The following ZHX3 variants were observed in gnomAD, a reference collection of about 807,000 sequenced individuals.
ZHX3 encodes the protein zinc fingers and homeoboxes 3, also known as zinc fingers and homeoboxes protein 3.
In ZHX3, 20 loss-of-function variants were observed where a neutral mutation model predicts 64.5. That is an observed-to-expected ratio of 0.31 (90% confidence interval 0.22 to 0.45). The LOEUF is 0.45. Ranked by LOEUF, ZHX3 falls within the 20% of genes least tolerant of loss-of-function variation. ZHX3 has a pLI of 1.00. For missense variants in ZHX3, 1,041 were observed against 1,195.8 expected, an observed-to-expected ratio of 0.87 and a Z score of 1.91; for synonymous variants, 423 against 461.6, an observed-to-expected ratio of 0.92 and a Z score of 1.07.
intron 1 of ZHX3, among the ~76,000 whole-genome samples, chr20:41,298,814 G>C (rs185362439): frequency 6.6e-6 from 1 of 152,206 alleles, no homozygotes; most frequent in African/African-American, 2.4e-5. Flanking sequence ...CTTGGGAGAT[G>C]AAAGTGAAGA....
rs1021277675 is a variant in ZHX3, at chr20:41,184,579, T to C, written c.*612A>G. 2 of 295,406 alleles carry C rather than the reference T, an allele frequency of 6.8e-6. No homozygotes were observed. Among genetic ancestry groups the C allele is most frequent in the Admixed American group, 9.6e-5 (2 of 20,746 alleles). 18.3% of individuals were successfully genotyped at this position (295,406 alleles called of 1,614,324 possible). ...CCCACAAGGCAAAGCAAGCCTGACATGAAACGTAGCCGGTCATCACTTAAT... is the reference window on the plus strand; with the variant it reads ...CCCACAAGGCAAAGCAAGCCTGACACGAAACGTAGCCGGTCATCACTTAAT... On this transcript the variant is annotated 3_prime_UTR_variant, in exon 4 of 4. Transcript: ENST00000683867.
At chr20:41,286,143 T>A (rs1287622181) in intron 1 of ZHX3, among the ~76,000 whole-genome samples, 2 of 152,190 alleles carry the variant, frequency 1.3e-5, no homozygotes, top group Admixed American at 1.3e-4. Context: ...ATTAGCCACT[T>A]ATTATTGAAA....
intron 2 of ZHX3, among the ~76,000 whole-genome samples, chr20:41,255,782 T>C (rs1448212959): frequency 6.6e-6 from 1 of 152,164 alleles, no homozygotes; most frequent in Admixed American, 6.5e-5. Context: ...AGAATTTAAA[T>C]TCAGGAAGGG....
intron 2 of ZHX3, among the ~76,000 whole-genome samples, chr20:41,205,474 T>C (rs1474828013): frequency 6.7e-6 from 1 of 150,032 alleles, no homozygotes; most frequent in Non-Finnish European, 1.5e-5. Context: ...TTTCTTTTCA[T>C]AGCCTTCCCG....
rs906661657 is a variant in ZHX3, at chr20:41,317,611, A to AGGCGGC, written c.-353_-348dup. The stretch of plus-strand genomic sequence containing the variant: ...CGGGCGGCCGGCGCAGGCCCCGCAG[A>AGGCGGC]GGCGGCGGCGGCGGCGACGCCGGAG... On this transcript the variant is annotated 5_prime_UTR_variant, in exon 1 of 4. Coordinates refer to ENST00000683867, the MANE Select transcript of ZHX3 (RefSeq NM_001384317.1). 6 of 147,882 alleles carry AGGCGGC rather than the reference A, an allele frequency of 4.1e-5. No homozygotes were observed. The highest frequency in any genetic ancestry group is 2.0e-4 in the East Asian group (1 of 5,018). 9.2% of individuals were successfully genotyped at this position (147,882 alleles called of 1,614,324 possible). A position where few individuals can be genotyped will look rare whatever the true frequency, so the allele number is the denominator to read the frequency against.
Position 41,232,579 on chromosome 20 carries a change from T to C in ZHX3, c.-150-27513A>G, listed in dbSNP as rs1214894465. Among the ~76,000 whole-genome samples the C allele has an allele frequency of 1.3e-5, 2 of 152,152 alleles. No individual in the cohort carries two copies. Among genetic ancestry groups the C allele is most frequent in the Non-Finnish European group, 2.9e-5 (2 of 68,020 alleles). On this transcript the variant is annotated intron_variant, in intron 2 of 3. Transcript: ENST00000683867. The surrounding 1 kb of genome is among the most constrained non-coding windows in gnomAD (Gnocchi z 5.0). ...CACCCTCTGGTGTACATAGCTGTCT[T>C]CTAATCTAGGAAAATTCTTCTTTTT...
At position 41,203,491 on chromosome 20, in the gene ZHX3, C is replaced by G; in HGVS notation, c.1426G>C (p.Ala476Pro). The G allele has an allele frequency of 6.2e-7, 1 of 1,614,206 alleles. No homozygotes were observed. The highest frequency in any genetic ancestry group is 8.5e-7 in the Non-Finnish European group (1 of 1,180,016). The change falls in exon 3 of 4, where the codon GCC becomes CCC. Residue 476 changes from alanine (A) to proline (P), a missense_variant. This residue lies in a region of ZHX3 where 649 missense variants were observed against 739.8 expected (regional missense o/e 0.88). Transcript: ENST00000683867. The surrounding 1 kb of genome is among the most constrained non-coding windows in gnomAD (Gnocchi z 7.1). ...GGGCAGGCCGTGAGGAGCGACTGGG[C>G]CGCATTGACCACCTTCACAGCTGAC... The part of the protein sequence containing the change: ...TTSAVKVVNA[A>P]QSLLTACPSI...
chr20:41,263,618 C>G (rs1301648939), intron 2 of ZHX3, among the ~76,000 whole-genome samples: 2 of 152,002 alleles, frequency 1.3e-5, no homozygotes, highest in African/African-American at 4.8e-5. Flanking sequence ...AGGCTGGTCA[C>G]GAACTCCTGA....
At position 41,203,694 on chromosome 20, in the gene ZHX3, G is replaced by A. The variant is rs1321730659; in HGVS notation, c.1223C>T (p.Ala408Val). The change falls in exon 3 of 4, where the codon GCC becomes GTC. Residue 408 changes from alanine (A) to valine (V), a missense_variant. By Grantham distance (64) the Ala-to-Val change is moderately conservative (BLOSUM62 0). This residue lies in a region of ZHX3 where 649 missense variants were observed against 739.8 expected (regional missense o/e 0.88). Transcript: ENST00000683867. The surrounding 1 kb of genome is among the most constrained non-coding windows in gnomAD (Gnocchi z 7.1). ...SAGNVQHLIQAALPGHVVGQP... is the reference protein window; with the variant it reads ...SAGNVQHLIQVALPGHVVGQP... ...CCCCACAACGTGACCTGGAAGAGCG[G>A]CCTGGATGAGATGCTGGACATTGCC... The A allele has an allele frequency of 2.5e-6, 4 of 1,614,066 alleles. No homozygotes were observed. The African/African-American group carries it at 4.0e-5, about 16-fold the overall frequency.
chr20:41,235,525 T>C (rs1282811891), intron 2 of ZHX3, among the ~76,000 whole-genome samples: 2 of 152,134 alleles, frequency 1.3e-5, no homozygotes, highest in Non-Finnish European at 2.9e-5. Flanking sequence ...AAAAACCACA[T>C]GATTATCTCA....
At chr20:41,262,654 G>C (rs1403193344) in intron 2 of ZHX3, among the ~76,000 whole-genome samples, 1 of 152,218 alleles carries the variant, frequency 6.6e-6, no homozygotes, top group Non-Finnish European at 1.5e-5. Context: ...GGCAGGGACA[G>C]AATTGCCTTT....
intron 1 of ZHX3, among the ~76,000 whole-genome samples, chr20:41,296,232 TAAAAAAA>T (rs57987896): frequency 0.056 from 3,962 of 70,604 alleles, 5 homozygotes; most frequent in Non-Finnish European, 0.071. Context: ...GTTCATAAAG[TAAAAAAA>T]AAAAAAAAAA....
chr20:41,291,632 TAC>T (rs1442411942), intron 1 of ZHX3, among the ~76,000 whole-genome samples: 1 of 151,972 alleles, frequency 6.6e-6, no homozygotes, highest in Non-Finnish European at 1.5e-5. Flanking sequence ...TGTATACGTA[TAC>T]ACACATACAT....
At chr20:41,234,116 G>A in intron 2 of ZHX3, among the ~76,000 whole-genome samples, 1 of 152,120 alleles carries the variant, frequency 6.6e-6, no homozygotes, top group East Asian at 1.9e-4. Context: ...CCTTCTTGGT[G>A]CCCCCTCCCC....
chr20:41,304,577 A>G (rs531411344), intron 1 of ZHX3, among the ~76,000 whole-genome samples: 22 of 152,344 alleles, frequency 1.4e-4, no homozygotes, highest in African/African-American at 5.0e-4. Flanking sequence ...AACTATATAT[A>G]TGTGTGTGTG....
intron 2 of ZHX3, among the ~76,000 whole-genome samples, chr20:41,207,083 T>A (rs1236220635): frequency 6.6e-6 from 1 of 152,140 alleles, no homozygotes; most frequent in African/African-American, 2.4e-5. Flanking sequence ...TAAAATCCTT[T>A]ACAGACAAAC....
At chr20:41,288,958 A>G (rs186028924) in intron 1 of ZHX3, among the ~76,000 whole-genome samples, 1 of 151,796 alleles carries the variant, frequency 6.6e-6, no homozygotes, top group African/African-American at 2.4e-5. Context: ...AGAATCAGCC[A>G]GTTTTAGACA....
intron 2 of ZHX3, chr20:41,267,699 G>A (rs2042931468): frequency 6.6e-6 from 1 of 152,234 alleles, no homozygotes; most frequent in South Asian, 2.1e-4. Flanking sequence ...AGGCATCTTT[G>A]AAAGTTTAAC....
chr20:41,275,812 G>A (rs1421200582), intron 1 of ZHX3, among the ~76,000 whole-genome samples: 1 of 152,114 alleles, frequency 6.6e-6, no homozygotes, highest in East Asian at 1.9e-4. Context: ...CACGCTAACT[G>A]AATGACTGTA....
Sources: gnomAD v4.1 joint callset for allele counts (sites outside exome capture counted in the v4.1 genomes callset) on GRCh38, gnomAD v4.1.1 for gene constraint, gnomAD v4.1.1 regional missense constraint, Gnocchi (gnomAD v3.1) non-coding constraint, MANE v1.5 for transcripts, NCBI Gene and HGNC (gene_info 2026-07-23, HGNC 2026-07-21) for gene names.